RPS6KC1: variants seen among roughly 807,000 people sequenced by gnomAD.
RPS6KC1 encodes inactive ribosomal protein S6 kinase delta-1.
Under a neutral mutation model 103.8 loss-of-function variants are expected in RPS6KC1, and 54 were observed. That is an observed-to-expected ratio of 0.52 (90% confidence interval 0.42 to 0.65). The LOEUF is 0.65. Among genes scored for constraint, RPS6KC1 ranks in the 30% least tolerant of loss-of-function variants. RPS6KC1 has a pLI of 0.00. For missense variants in RPS6KC1, 1,151 were observed against 1,253.8 expected, an observed-to-expected ratio of 0.92 and a Z score of 1.24; for synonymous variants, 439 against 438.7, an observed-to-expected ratio of 1.00 and a Z score of -0.01.
intron 8 of RPS6KC1, among the ~76,000 whole-genome samples, chr1:213,181,860 A>G (rs375272840): frequency 5.9e-5 from 9 of 152,254 alleles, no homozygotes; most frequent in East Asian, 1.9e-4. Context: ...AAGTGGAAAC[A>G]ATACATGCAA....
At chr1:213,758,850 TG>T in the RPS6KC1 span, among the ~76,000 whole-genome samples, 1 of 152,204 alleles carries the variant, frequency 6.6e-6, no homozygotes, top group Non-Finnish European at 1.5e-5. Flanking sequence ...AGTGGCTTCT[TG>T]AGATGGAATC....
intron 12 of RPS6KC1, 148 bp from the exon 13 acceptor site, chr1:213,261,410 A>T (rs2094793288): frequency 7.4e-6 from 5 of 679,040 alleles, no homozygotes; most frequent in East Asian, 5.1e-5. Context: ...GACCAAAGGG[A>T]TAAGTAACTT....
At chr1:213,851,867 T>C in the RPS6KC1 span, among the ~76,000 whole-genome samples, 1 of 152,190 alleles carries the variant, frequency 6.6e-6, no homozygotes, top group African/African-American at 2.4e-5. Flanking sequence ...AATGCCTCCA[T>C]TCAGCCTGTC....
intron 9 of RPS6KC1, among the ~76,000 whole-genome samples, chr1:213,230,842 A>G (rs1486744350): frequency 1.3e-5 from 2 of 151,628 alleles, no homozygotes; most frequent in African/African-American, 2.4e-5. Context: ...TCTCAAAAAA[A>G]AAAAAAAAAA....
At chr1:213,713,176 A>G in the RPS6KC1 span, among the ~76,000 whole-genome samples, 1 of 151,898 alleles carries the variant, frequency 6.6e-6, no homozygotes, top group Non-Finnish European at 1.5e-5. Context: ...TTTTTCTTCT[A>G]TTATTGAGGG....
intron 1 of RPS6KC1, among the ~76,000 whole-genome samples, chr1:213,057,094 C>T (rs1398345639): frequency 6.6e-6 from 1 of 152,006 alleles, no homozygotes; most frequent in East Asian, 1.9e-4. Flanking sequence ...AACATGCCAC[C>T]CTGCCTGACT....
At chr1:213,421,711 C>G in the RPS6KC1 span, among the ~76,000 whole-genome samples, 1 of 152,188 alleles carries the variant, frequency 6.6e-6, no homozygotes, top group Non-Finnish European at 1.5e-5. Flanking sequence ...AACTAAAGGG[C>G]CTGGTGTGGT....
At chr1:213,485,643 C>T in the RPS6KC1 span, among the ~76,000 whole-genome samples, 2 of 152,144 alleles carry the variant, frequency 1.3e-5, no homozygotes, top group Admixed American at 1.3e-4. Context: ...TGAAGGAACT[C>T]AGTGCTGTGA....
the RPS6KC1 span, among the ~76,000 whole-genome samples, chr1:213,588,913 C>A: frequency 6.6e-6 from 1 of 152,130 alleles, no homozygotes; most frequent in Non-Finnish European, 1.5e-5. Flanking sequence ...GAGCAGGCAC[C>A]CAAAAGTAAA....
At chr1:213,453,947 A>G in the RPS6KC1 span, among the ~76,000 whole-genome samples, 9 of 152,366 alleles carry the variant, frequency 5.9e-5, no homozygotes, top group Non-Finnish European at 1.2e-4. Flanking sequence ...CTTGCGGACA[A>G]ACCATGTAGC....
the RPS6KC1 span, among the ~76,000 whole-genome samples, chr1:213,682,760 G>A: frequency 1.3e-5 from 2 of 152,132 alleles, no homozygotes; most frequent in African/African-American, 4.8e-5. Flanking sequence ...GGAAAATTTA[G>A]GATATTATAC....
At chr1:213,622,388 G>A in the RPS6KC1 span, among the ~76,000 whole-genome samples, 1 of 152,098 alleles carries the variant, frequency 6.6e-6, no homozygotes, top group Non-Finnish European at 1.5e-5. Flanking sequence ...CTCCTCTTTT[G>A]TGAATTGGAA....
the RPS6KC1 span, among the ~76,000 whole-genome samples, chr1:213,749,022 A>G: frequency 6.6e-6 from 1 of 152,100 alleles, no homozygotes; most frequent in African/African-American, 2.4e-5. Context: ...ATTTGCTTTC[A>G]CCCCTAGAAA....
At chr1:213,287,574 A>AT in the RPS6KC1 span, among the ~76,000 whole-genome samples, 2,678 of 151,424 alleles carry the variant, frequency 0.018, 30 homozygotes, top group Non-Finnish European at 0.026. Flanking sequence ...CAAGGAAAGG[A>AT]TTTTTTTTTG....
At chr1:213,651,530 A>G in the RPS6KC1 span, among the ~76,000 whole-genome samples, 1 of 152,188 alleles carries the variant, frequency 6.6e-6, no homozygotes, top group Admixed American at 6.5e-5. Flanking sequence ...GTCTATTCTG[A>G]TGGCTCAATA....
At chr1:213,592,313 G>T in the RPS6KC1 span, among the ~76,000 whole-genome samples, 1 of 152,116 alleles carries the variant, frequency 6.6e-6, no homozygotes, top group Non-Finnish European at 1.5e-5. Flanking sequence ...TAAATGGAAA[G>T]CATTAAAAAT....
chr1:213,224,094 A>G (rs969901958), intron 8 of RPS6KC1, among the ~76,000 whole-genome samples: 1 of 152,218 alleles, frequency 6.6e-6, no homozygotes, highest in African/African-American at 2.4e-5. Context: ...ATAGTAGCAT[A>G]TCTCTTTTCT....
At chr1:213,216,293 G>A (rs1253209800) in intron 8 of RPS6KC1, among the ~76,000 whole-genome samples, 2 of 152,182 alleles carry the variant, frequency 1.3e-5, no homozygotes, top group East Asian at 3.8e-4. Flanking sequence ...TTACATAATG[G>A]TAAAGGGATC....
At chr1:213,705,849 C>T in the RPS6KC1 span, among the ~76,000 whole-genome samples, 15 of 152,206 alleles carry the variant, frequency 9.9e-5, no homozygotes, top group African/African-American at 3.6e-4. Context: ...AGCAGGTTCT[C>T]TTCTGGCCCA....
Sources: gnomAD v4.1 joint callset for allele counts (sites outside exome capture counted in the v4.1 genomes callset) on GRCh38, gnomAD v4.1.1 for gene constraint, MANE v1.5 for transcripts, NCBI Gene and HGNC (gene_info 2026-07-23, HGNC 2026-07-21) for gene names.